ADGRL2: variants seen among roughly 807,000 people sequenced by gnomAD.
The protein encoded by ADGRL2 is adhesion G protein-coupled receptor L2.
ADGRL2 carries 44 observed loss-of-function variants against 157.4 expected under a neutral mutation model. The ratio of observed to expected loss-of-function variants is 0.28; its 90% CI spans 0.22 to 0.36. ADGRL2 has a LOEUF of 0.36. Among genes scored for constraint, ADGRL2 ranks in the 10% least tolerant of loss-of-function variants. The pLI, the probability that ADGRL2 is intolerant of heterozygous loss-of-function variation, is 1.00. For synonymous variants in ADGRL2, 585 were observed against 624.7 expected (o/e 0.94, Z 0.95); for missense variants, 1,510 against 1,768.9 (o/e 0.85, Z 2.63).
intron 3 of ADGRL2, among the ~76,000 whole-genome samples, chr1:81,919,686 G>A (rs976147390): frequency 3.3e-5 from 5 of 151,748 alleles, no homozygotes; most frequent in Non-Finnish European, 7.4e-5. Flanking sequence ...ACATCCTAAA[G>A]TGTTCTTATC....
chr1:81,390,298 G>C (rs1281806406), intron 1 of ADGRL2, among the ~76,000 whole-genome samples: 1 of 151,984 alleles, frequency 6.6e-6, no homozygotes, highest in Non-Finnish European at 1.5e-5. Flanking sequence ...ACGTAAAAGA[G>C]TTATGAAAAC....
intron 3 of ADGRL2, among the ~76,000 whole-genome samples, chr1:81,597,895 A>G (rs998886367): frequency 2.0e-5 from 3 of 152,206 alleles, no homozygotes; most frequent in Admixed American, 6.5e-5. Context: ...ATGTGTTTTC[A>G]AGGTGGTTTC....
chr1:81,725,268 G>T (rs1485023690), intron 1 of ADGRL2, among the ~76,000 whole-genome samples: 1 of 150,798 alleles, frequency 6.6e-6, no homozygotes, highest in Admixed American at 6.6e-5. Context: ...CGCCAGGCAC[G>T]GTGGCTCTTA....
At chr1:81,831,066 C>T (rs1001515859) in intron 1 of ADGRL2, among the ~76,000 whole-genome samples, 168 of 152,182 alleles carry the variant, frequency 1.1e-3, no homozygotes, top group African/African-American at 3.9e-3. Flanking sequence ...GAGTGAGCCA[C>T]GTTGAGTTTT....
intron 4 of ADGRL2, 76 bp from the exon 5 acceptor site, chr1:81,941,958 T>C: frequency 8.5e-6 from 6 of 702,070 alleles, no homozygotes; most frequent in East Asian, 2.6e-5. Flanking sequence ...CTTAGACTAA[T>C]AGTCAATTTA....
intron 1 of ADGRL2, among the ~76,000 whole-genome samples, chr1:81,758,467 C>T (rs1182026943): frequency 6.6e-6 from 1 of 152,128 alleles, no homozygotes; most frequent in African/African-American, 2.4e-5. Flanking sequence ...TTCACTAAGA[C>T]CTGTTTGTTT....
In ADGRL2 at chr1:81,456,033, A is replaced by T. The variant is rs117783387; in HGVS notation, c.-248+10944A>T. 2.2e-3 allele frequency among the ~76,000 whole-genome samples: 336 copies of T among 152,320 alleles called. 8 individuals are homozygous for T. In the East Asian group the frequency reaches 0.053, roughly 24 times the overall value. ...ACTTATTTTTAAAATAAGTTTAATA[A>T]CCTCATAAAAGCCTAATACATTTGG... On this transcript the variant is annotated intron_variant, in intron 2 of 24. Transcript: ENST00000370721.
At position 81,722,144 on chromosome 1, in the gene ADGRL2, T is replaced by C. The variant is rs192184789; in HGVS notation, c.-143+22336T>C. ...CGTCTCTACTAAAAAATATAAAAAA[T>C]TAGCCGGGAGCGGTGGCAGGCGCCT... is the stretch of plus-strand genomic sequence containing the variant. On this transcript the variant is annotated intron_variant, in intron 1 of 20. Coordinates refer to the ADGRL2 transcript ENST00000359929. 1.9e-3 allele frequency: 678 copies of C among 360,494 alleles called. 2 individuals carry two copies. The highest frequency in any genetic ancestry group is 5.8e-3 in the Middle Eastern group (6 of 1,032). 22.3% of individuals were successfully genotyped at this position (360,494 alleles called of 1,614,324 possible).
chr1:81,816,742 A>G (rs924910075), intron 1 of ADGRL2, among the ~76,000 whole-genome samples: 1 of 151,982 alleles, frequency 6.6e-6, no homozygotes, highest in Non-Finnish European at 1.5e-5. Context: ...GATTCTTTTA[A>G]TATTTTGTCT....
At chr1:81,311,577 A>G (rs1659758916) in intron 1 of ADGRL2, among the ~76,000 whole-genome samples, 1 of 152,166 alleles carries the variant, frequency 6.6e-6, no homozygotes, top group Non-Finnish European at 1.5e-5. Context: ...TTTTGTAAAA[A>G]TCGAGTTAGC....
intron 2 of ADGRL2, among the ~76,000 whole-genome samples, chr1:81,861,596 A>G (rs1027432053): frequency 2.0e-5 from 3 of 152,206 alleles, no homozygotes; most frequent in Non-Finnish European, 2.9e-5. Flanking sequence ...TTCTTTATCA[A>G]TAAACACATG....
chr1:81,872,716 A>T lies in ADGRL2; in HGVS notation c.74-34301A>T, dbSNP rs150897418. On this transcript the variant is annotated intron_variant, in intron 2 of 23. Transcript: ENST00000686636. Reference sequence around the variant, plus strand: ...TTTAGATCATTTTTTCTAAAAAGTCATTGCCAAGAGAGGACACTTAGCTAT... The same window carrying T: ...TTTAGATCATTTTTTCTAAAAAGTCTTTGCCAAGAGAGGACACTTAGCTAT... 3.4e-3 allele frequency among the ~76,000 whole-genome samples: 520 copies of T among 152,216 alleles called. 8 individuals carry two copies. Among genetic ancestry groups the T allele is most frequent in the South Asian group, 0.033 (160 of 4,834 alleles).
At chr1:81,585,307 A>G (rs1197718269) in intron 3 of ADGRL2, among the ~76,000 whole-genome samples, 1 of 152,088 alleles carries the variant, frequency 6.6e-6, no homozygotes, top group Non-Finnish European at 1.5e-5. Flanking sequence ...ACTCCCAAAT[A>G]TTCTGGAAGT....
At chr1:81,414,770 G>A (rs1259673287) in intron 1 of ADGRL2, among the ~76,000 whole-genome samples, 1 of 152,202 alleles carries the variant, frequency 6.6e-6, no homozygotes, top group Admixed American at 6.5e-5. Context: ...GATGGGAAAA[G>A]CTTTAGAAAA....
intron 18 of ADGRL2, chr1:81,980,839 G>T: frequency 1.4e-6 from 1 of 707,704 alleles, no homozygotes; most frequent in South Asian, 1.6e-5. Context: ...GACTTACCTG[G>T]GTAAGGTAGA....
At chr1:81,524,449 A>G (rs1002812274) in intron 2 of ADGRL2, among the ~76,000 whole-genome samples, 1 of 152,236 alleles carries the variant, frequency 6.6e-6, no homozygotes, top group African/African-American at 2.4e-5. Context: ...TTGAGAATCT[A>G]TTTAGGATTA....
At chr1:81,599,230 A>T (rs1485386022) in intron 3 of ADGRL2, among the ~76,000 whole-genome samples, 1 of 152,180 alleles carries the variant, frequency 6.6e-6, no homozygotes, top group African/African-American at 2.4e-5. Context: ...ATTTTTGGGA[A>T]AAGGATACCT....
At chr1:81,480,017 A>C (rs943736661) in intron 2 of ADGRL2, among the ~76,000 whole-genome samples, 1 of 152,210 alleles carries the variant, frequency 6.6e-6, no homozygotes, top group Admixed American at 6.5e-5. Flanking sequence ...ACTTAATTTC[A>C]GACAAATTAA....
rs1553123680 is a variant in ADGRL2, at chr1:81,557,467, G to GA, written c.-247-23407dup. The GA allele has an allele frequency of 4.7e-4, 57 of 122,196 alleles. 1 individual carries two copies. The highest frequency in any genetic ancestry group is 9.0e-4 in the African/African-American group (29 of 32,314). The allele number at this position is 122,196 out of a possible 1,614,324, so 7.6% of individuals were successfully genotyped here. On this transcript the variant is annotated intron_variant, in intron 2 of 24. Coordinates refer to the ADGRL2 transcript ENST00000370721. ...AGAAAGAGAGAAAGAAAGAAAGAAAGAAGAAAGAAAGAAAGAAGAAAGAAA... is the reference window on the plus strand; with the variant it reads ...AGAAAGAGAGAAAGAAAGAAAGAAAGAAAGAAAGAAAGAAAGAAGAAAGAAA...
Sources: allele counts gnomAD v4.1 joint callset (sites outside exome capture counted in the v4.1 genomes callset), GRCh38; gene constraint gnomAD v4.1.1; transcripts MANE v1.5; gene names NCBI Gene and HGNC (gene_info 2026-07-23, HGNC 2026-07-21).